Variants in NBEA observed in about 807,000 individuals in gnomAD.
NBEA encodes the protein lysosomal-trafficking regulator 2.
A neutral mutation model predicts 343.4 loss-of-function variants in NBEA; 44 were observed. The observed-to-expected ratio is 0.13, with a 90% CI of 0.10 to 0.16. NBEA has a LOEUF of 0.16. NBEA is among the 10% of genes least tolerant of loss of function. The pLI is 1.00. For missense variants in NBEA, 2,555 were observed against 3,631.3 expected (o/e 0.70, Z 7.62); for synonymous variants, 1,175 against 1,238.7 (o/e 0.95, Z 1.08).
At chr13:34,963,954 T>A (rs1168935130) in intron 1 of NBEA, among the ~76,000 whole-genome samples, 1 of 152,050 alleles carries the variant, frequency 6.6e-6, no homozygotes, top group Admixed American at 6.6e-5. Context: ...GGGATTTTGC[T>A]AAATGCTTTA....
intron 34 of NBEA, among the ~76,000 whole-genome samples, chr13:35,262,429 AT>A (rs2033288446): frequency 6.6e-6 from 1 of 152,200 alleles, no homozygotes; most frequent in Non-Finnish European, 1.5e-5. Context: ...AAAAACACAA[AT>A]GTCCTTCATG....
chr13:35,283,177 C>A (rs1247078142), intron 34 of NBEA, among the ~76,000 whole-genome samples: 1 of 151,970 alleles, frequency 6.6e-6, no homozygotes, highest in Non-Finnish European at 1.5e-5. Context: ...AACTTCAATT[C>A]TGGCATTATG....
chr13:35,437,539 G>T (rs968436258), intron 39 of NBEA, among the ~76,000 whole-genome samples: 4 of 152,076 alleles, frequency 2.6e-5, no homozygotes, highest in Non-Finnish European at 5.9e-5. Flanking sequence ...TATACTTTCA[G>T]CCTCTGGTGT....
At chr13:34,998,298 C>T (rs551858087) in intron 1 of NBEA, among the ~76,000 whole-genome samples, 24 of 152,252 alleles carry the variant, frequency 1.6e-4, no homozygotes, top group Admixed American at 1.4e-3. Context: ...AGGGTGAGAT[C>T]ACAGGACCAC....
chr13:35,093,942 C>G (rs1257601115), intron 10 of NBEA, among the ~76,000 whole-genome samples: 1 of 151,622 alleles, frequency 6.6e-6, no homozygotes, highest in Non-Finnish European at 1.5e-5. Flanking sequence ...GCATTTTGCT[C>G]TCAAACTATA....
rs140582559 is a variant in NBEA at position 35,229,242 on chromosome 13, G to C, written c.5649-3250G>C. 2.9e-3 allele frequency among the ~76,000 whole-genome samples: 446 copies of C among 152,070 alleles called. 1 individual carries two copies. Among genetic ancestry groups the C allele is most frequent in the African/African-American group, 1.0e-2 (413 of 41,488 alleles). The stretch of plus-strand genomic sequence containing the variant: ...AGACAGGGTCTCACCATGTTGCTCA[G>C]GCTGGTCTTGAACTCCTGGGCTCAA... On this transcript the variant is annotated intron_variant, in intron 33 of 58. Coordinates refer to ENST00000379939, the MANE Select transcript of NBEA (RefSeq NM_001385012.1).
chr13:35,253,711 A>G (rs1437924513), intron 34 of NBEA, among the ~76,000 whole-genome samples: 1 of 152,208 alleles, frequency 6.6e-6, no homozygotes, highest in African/African-American at 2.4e-5. Flanking sequence ...TCTTTGTACT[A>G]CATGGGAGAG....
chr13:35,331,998 CATG>C (rs1566628965), intron 36 of NBEA, among the ~76,000 whole-genome samples: 1 of 151,912 alleles, frequency 6.6e-6, no homozygotes, highest in Admixed American at 6.6e-5. Flanking sequence ...ACAAAAATGA[CATG>C]ATCATTAAAA....
At chr13:35,308,610 A>ATATATGTATATATG (rs1243851172) in intron 35 of NBEA, among the ~76,000 whole-genome samples, 3 of 131,488 alleles carry the variant, frequency 2.3e-5, no homozygotes, top group Non-Finnish European at 3.2e-5. Flanking sequence ...GTATATATGT[A>ATATATGTATATATG]TATATATATG....
intron 34 of NBEA, among the ~76,000 whole-genome samples, chr13:35,239,393 T>C (rs144930919): frequency 1.3e-5 from 2 of 152,234 alleles, no homozygotes; most frequent in East Asian, 1.9e-4. Context: ...AATTAAAGGA[T>C]ATGACTGCTT....
intron 1 of NBEA, among the ~76,000 whole-genome samples, chr13:34,947,760 A>T (rs1480383900): frequency 6.6e-6 from 1 of 152,206 alleles, no homozygotes; most frequent in Non-Finnish European, 1.5e-5. Context: ...AGTAATGATT[A>T]TGGTCAGTTT....
At chr13:35,178,409 C>G (rs964955704) in intron 28 of NBEA, among the ~76,000 whole-genome samples, 4 of 151,636 alleles carry the variant, frequency 2.6e-5, no homozygotes, top group Non-Finnish European at 5.9e-5. Context: ...TTGGCGTAGT[C>G]ATTCAGCAGT....
chr13:35,197,084 A>G (rs918506337), intron 31 of NBEA, among the ~76,000 whole-genome samples: 2 of 152,174 alleles, frequency 1.3e-5, no homozygotes, highest in African/African-American at 2.4e-5. Flanking sequence ...AATATCTTCC[A>G]CTATTTAAAA....
At position 35,450,799 on chromosome 13, in the gene NBEA, A is replaced by G. The variant is rs994064102; in HGVS notation, c.6305-1293A>G. On this transcript the variant is annotated intron_variant, in intron 39 of 58. Transcript: ENST00000379939. ...GCTATATCCTAATACAGAACACAGT[A>G]TATGACAATGCTTTCTTCTAAATTG... Among the ~76,000 whole-genome samples, 3 of 152,352 alleles carry G rather than the reference A, an allele frequency of 2.0e-5. No individual in the cohort carries two copies. In the East Asian group the frequency reaches 5.8e-4, roughly 29 times the overall value.
chr13:35,264,909 AAT>A (rs1278940074), intron 34 of NBEA, among the ~76,000 whole-genome samples: 1 of 151,870 alleles, frequency 6.6e-6, no homozygotes, highest in Non-Finnish European at 1.5e-5. Flanking sequence ...AAGAGAAAGA[AAT>A]AAAATGCATC....
At chr13:35,623,715 C>G (rs2083099175) in intron 48 of NBEA, among the ~76,000 whole-genome samples, 1 of 151,896 alleles carries the variant, frequency 6.6e-6, no homozygotes, top group Non-Finnish European at 1.5e-5. Flanking sequence ...TGGATGAATA[C>G]TGAGAAAAAT....
chr13:35,497,582 G>A (rs1228826395), intron 41 of NBEA, among the ~76,000 whole-genome samples: 1 of 151,960 alleles, frequency 6.6e-6, no homozygotes, highest in Non-Finnish European at 1.5e-5. Flanking sequence ...ATATCAGCAA[G>A]GTCTGCATAA....
chr13:35,524,135 G>A (rs988403884), intron 41 of NBEA, among the ~76,000 whole-genome samples: 1 of 152,156 alleles, frequency 6.6e-6, no homozygotes, highest in Non-Finnish European at 1.5e-5. Flanking sequence ...TGGGGCACTG[G>A]AAAGAGGATA....
intron 35 of NBEA, among the ~76,000 whole-genome samples, chr13:35,307,640 C>T (rs2036985950): frequency 6.6e-6 from 1 of 151,994 alleles, no homozygotes; most frequent in African/African-American, 2.4e-5. Flanking sequence ...AGTGTACAAA[C>T]ACTATCACAG....
Sources: gnomAD v4.1 joint callset for allele counts (sites outside exome capture counted in the v4.1 genomes callset) on GRCh38, gnomAD v4.1.1 for gene constraint, MANE v1.5 for transcripts, NCBI Gene and HGNC (gene_info 2026-07-23, HGNC 2026-07-21) for gene names.